RNF212B: variants seen among roughly 807,000 people sequenced by gnomAD.
RNF212B encodes E3 ubiquitin-protein ligase RNF212B.
A neutral mutation model predicts 55.5 loss-of-function variants in RNF212B; 52 were observed. The ratio of observed to expected loss-of-function variants is 0.94; its 90% CI spans 0.75 to 1.18. The LOEUF (loss-of-function observed/expected upper bound fraction) is 1.18. Among genes scored for constraint, RNF212B ranks in the 50% most tolerant of loss-of-function variants. The pLI, the probability that RNF212B is intolerant of heterozygous loss-of-function variation, is 0.00. For synonymous variants in RNF212B, 99 were observed against 121.4 expected (o/e 0.82, Z 1.21); for missense variants, 289 against 350.4 (o/e 0.82, Z 1.40).
At chr14:23,265,925 A>G (rs1885659040) in intron 11 of RNF212B, among the ~76,000 whole-genome samples, 1 of 152,098 alleles carries the variant, frequency 6.6e-6, no homozygotes, top group Non-Finnish European at 1.5e-5. Context: ...ACTGCATCCT[A>G]TAACATTTGG....
At chr14:23,246,724 A>G (rs187349508) in intron 4 of RNF212B, among the ~76,000 whole-genome samples, 77 of 152,284 alleles carry the variant, frequency 5.1e-4, no homozygotes, top group Middle Eastern at 6.8e-3. Flanking sequence ...CACCATGCCC[A>G]ATCTGAAAAC....
chr14:23,208,178 T>C (rs1304670940), intron 2 of RNF212B, among the ~76,000 whole-genome samples: 3 of 152,128 alleles, frequency 2.0e-5, no homozygotes, highest in Admixed American at 2.0e-4. Context: ...AGAAATGGCT[T>C]TTAGAGCTGG....
upstream of RNF212B, among the ~76,000 whole-genome samples, chr14:23,235,336 G>A (rs1190000157): frequency 6.6e-6 from 1 of 152,094 alleles, no homozygotes; most frequent in African/African-American, 2.4e-5. Context: ...GGCAGCAGAG[G>A]GAGACGCCCA....
Position 23,245,869 on chromosome 14 carries a change from T to C in RNF212B, c.228+1473T>C, listed in dbSNP as rs187022965. Reference sequence around the variant, plus strand: ...AAACAGATTTGGTTGGTTTTGCTTATTGTTCTCTTTTAATAGTCCTTAATA... The same window carrying C: ...AAACAGATTTGGTTGGTTTTGCTTACTGTTCTCTTTTAATAGTCCTTAATA... On this transcript the variant is annotated intron_variant, in intron 4 of 14. Coordinates refer to ENST00000430154, the MANE Select transcript of RNF212B (RefSeq NM_001282322.3). Among the ~76,000 whole-genome samples, 199 of 152,340 alleles carry C rather than the reference T, an allele frequency of 1.3e-3. 2 individuals are homozygous for C. The East Asian group carries it at 0.035, about 27-fold the overall frequency.
At chr14:23,221,056 G>A (rs759243753) in intron 2 of RNF212B, among the ~76,000 whole-genome samples, 5 of 151,680 alleles carry the variant, frequency 3.3e-5, no homozygotes, top group Non-Finnish European at 5.9e-5. Flanking sequence ...GTGGCTGAAT[G>A]GATGAAAAAA....
At chr14:23,245,972 A>G (rs74036959) in intron 4 of RNF212B, among the ~76,000 whole-genome samples, 6,125 of 152,180 alleles carry the variant, frequency 0.04, 390 homozygotes, top group African/African-American at 0.14. Context: ...TTATGTTTTT[A>G]TGTTCTCCAA....
rs1555316061 is a variant in RNF212B at position 23,238,774 on chromosome 14, A to ATCATC, written c.-2+719_-2+720insTCATC. On this transcript the variant is annotated intron_variant, in intron 1 of 14. Transcript: ENST00000430154. ...TAATAATAATAATAATAATAATAAT[A>ATCATC]ATAATAATCCCACAAAGAAACCTTA... Among the ~76,000 whole-genome samples, 463 of 119,638 alleles carry ATCATC rather than the reference A, an allele frequency of 3.9e-3. 1 individual carries two copies. Among genetic ancestry groups the ATCATC allele is most frequent in the Middle Eastern group, 9.1e-3 (2 of 220 alleles). The allele number at this position is 119,638 out of a possible 152,430, so 78.5% of individuals were successfully genotyped here. A position where few individuals can be genotyped will look rare whatever the true frequency, so the allele number is the denominator to read the frequency against.
At chr14:23,262,804 T>C in intron 8 of RNF212B, 93 bp downstream of exon 8, 2 of 1,441,672 alleles carry the variant, frequency 1.4e-6, no homozygotes, top group South Asian at 2.4e-5. Flanking sequence ...TAATGTGATC[T>C]TCCTAACTTT....
At chr14:23,194,901 T>C (rs1273162363) in intron 2 of RNF212B, among the ~76,000 whole-genome samples, 1 of 152,218 alleles carries the variant, frequency 6.6e-6, no homozygotes, top group African/African-American at 2.4e-5. Context: ...ATGCATGGTA[T>C]ATTTAAAAAC....
rs567852686 is a variant in RNF212B, at chr14:23,219,631, C to A, written c.-1-20714C>A. Among the ~76,000 whole-genome samples the A allele has an allele frequency of 3.3e-5, 5 of 151,940 alleles. No homozygotes were observed. In the South Asian group the frequency reaches 1.0e-3, roughly 32 times the overall value. Reference sequence around the variant, plus strand: ...GAATGATAGGCGTGCACCACCATGCCCAGCTAATTTTTGTATTTTTAGTAG... The same window carrying A: ...GAATGATAGGCGTGCACCACCATGCACAGCTAATTTTTGTATTTTTAGTAG... On this transcript the variant is annotated intron_variant, in intron 2 of 15. Transcript: ENST00000399910.
chr14:23,257,401 G>A (rs1209621966), intron 4 of RNF212B, among the ~76,000 whole-genome samples: 2 of 151,924 alleles, frequency 1.3e-5, no homozygotes, highest in African/African-American at 4.8e-5. Context: ...AAATAGACTA[G>A]AGTAAATTCT....
At chr14:23,210,771 T>C (rs187015984) in intron 2 of RNF212B, among the ~76,000 whole-genome samples, 180 of 16,824 alleles carry the variant, frequency 0.011, 1 homozygote, top group African/African-American at 0.053. Flanking sequence ...TGTGAGACTC[T>C]GTCTCAAAAA....
intron 14 of RNF212B, chr14:23,272,423 A>C (rs1043183961): frequency 1.2e-5 from 3 of 253,980 alleles, no homozygotes; most frequent in Admixed American, 5.2e-5. Flanking sequence ...CATCTCAAAA[A>C]AACAACAAAC....
At chr14:23,247,898 T>C (rs1479210990) in intron 4 of RNF212B, among the ~76,000 whole-genome samples, 1 of 152,224 alleles carries the variant, frequency 6.6e-6, no homozygotes, top group Non-Finnish European at 1.5e-5. Context: ...GCAGCTCTTT[T>C]AGTCTGTCTG....
chr14:23,189,500 A>T (rs1197104253), intron 1 of RNF212B, among the ~76,000 whole-genome samples: 1 of 151,864 alleles, frequency 6.6e-6, no homozygotes, highest in East Asian at 1.9e-4. Flanking sequence ...TGCTGTAATA[A>T]CTCCCATTGA....
intron 4 of RNF212B, among the ~76,000 whole-genome samples, chr14:23,254,325 CA>C (rs976860994): frequency 1.5e-5 from 2 of 137,068 alleles, no homozygotes; most frequent in Non-Finnish European, 3.3e-5. Context: ...AACAAAAAAA[CA>C]AAAACAAAAA....
rs991987567 is a variant in RNF212B, at chr14:23,254,007, A to G, written c.229-4542A>G. ...AAAAATAAGAACTAAGGCTAGGCAC[A>G]GTGGCTCATTCCTGTAATCCCAACA... On this transcript the variant is annotated intron_variant, in intron 4 of 14. Coordinates refer to ENST00000430154, the MANE Select transcript of RNF212B (RefSeq NM_001282322.3). 5.9e-5 allele frequency among the ~76,000 whole-genome samples: 9 copies of G among 152,336 alleles called. No homozygotes were observed. In the East Asian group the frequency reaches 1.5e-3, roughly 26 times the overall value.
intron 11 of RNF212B, among the ~76,000 whole-genome samples, chr14:23,268,453 T>A (rs1741240134): frequency 6.6e-6 from 1 of 152,220 alleles, no homozygotes; most frequent in African/African-American, 2.4e-5. Context: ...TTCTCCAGAT[T>A]ACTACAAGCC....
chr14:23,268,537 G>A (rs1438247068), intron 11 of RNF212B, among the ~76,000 whole-genome samples: 2 of 152,202 alleles, frequency 1.3e-5, no homozygotes, highest in African/African-American at 4.8e-5. Flanking sequence ...TTTTATGGAG[G>A]AGGAAATTTT....
Sources: gnomAD v4.1 joint callset for allele counts (sites outside exome capture counted in the v4.1 genomes callset) on GRCh38, gnomAD v4.1.1 for gene constraint, MANE v1.5 for transcripts, NCBI Gene and HGNC (gene_info 2026-07-23, HGNC 2026-07-21) for gene names.